MYOT: variants seen among roughly 807,000 people sequenced by gnomAD.
MYOT encodes 57 kDa cytoskeletal protein.
Under a neutral mutation model 58.0 loss-of-function variants are expected in MYOT, and 36 were observed. That is an observed-to-expected ratio of 0.62 (90% CI 0.48 to 0.82). The LOEUF is 0.82. Ranked by LOEUF, MYOT falls within the 40% of genes least tolerant of loss-of-function variation. The pLI is 0.00. For synonymous variants in MYOT, 218 were observed against 204.6 expected (o/e 1.07, Z -0.56); for missense variants, 505 against 592.1 (o/e 0.85, Z 1.53).
Position 137,886,905 on chromosome 5 carries a change from A to T in MYOT, c.1232A>T (p.Lys411Ile), listed in dbSNP as rs1188735488. 6.3e-7 allele frequency: 1 copy of T among 1,593,520 alleles called. No homozygotes were observed. Among genetic ancestry groups the T allele is most frequent in the South Asian group, 1.1e-5 (1 of 90,666 alleles). The change falls in exon 9 of 10, where the codon AAA (lysine) becomes ATA (isoleucine). Residue 411 changes from lysine to isoleucine, a missense_variant. Lys to Ile is a moderately radical substitution (Grantham distance 102). Transcript: ENST00000239926. ...DNTGRVTLLIKDVNKKDAGWY... is the reference protein window; with the variant it reads ...DNTGRVTLLIIDVNKKDAGWY... ...ACTGGAAGAGTTACTTTACTGATAA[A>T]AGATGTAAACAAGAAAGATGCTGGG... is the stretch of plus-strand genomic sequence containing the variant.
Position 137,870,802 on chromosome 5 carries a change from A to G in MYOT, c.151A>G (p.Arg51Gly), listed in dbSNP as rs2149978850. The G allele has an allele frequency of 6.2e-7, 1 of 1,614,142 alleles. No homozygotes were observed. The highest frequency in any genetic ancestry group is 2.2e-5 in the East Asian group (1 of 44,884). The change falls in exon 2 of 10, where the codon AGA becomes GGA. Residue 51 changes from arginine to glycine, a missense_variant. Coordinates refer to ENST00000239926, the MANE Select transcript of MYOT (RefSeq NM_006790.3). The stretch of plus-strand genomic sequence containing the variant: ...CCAGCCCCGCCAGTGTACAGAGCAA[A>G]GATTTTCTGCCTCCTCAACACTGAG... ...IIQPRQCTEQ[R>G]FSASSTLSSH...
At chr5:137,877,066 T>TAA (rs34554181) in intron 3 of MYOT, among the ~76,000 whole-genome samples, 3,420 of 143,344 alleles carry the variant, frequency 0.024, 117 homozygotes, top group African/African-American at 0.081. Flanking sequence ...GAAAAGACTT[T>TAA]AAAAAAAAAA....
chr5:137,870,286 A>ACACACACAC, intron 1 of MYOT, among the ~76,000 whole-genome samples, 155 bp from the exon 2 acceptor site: 1 of 72,884 alleles, frequency 1.4e-5, no homozygotes, highest in African/African-American at 5.4e-5. Flanking sequence ...GCGATTAAGC[A>ACACACACAC]AGACACACAC....
intron 1 of MYOT, among the ~76,000 whole-genome samples, chr5:137,868,375 T>C (rs1754936094): frequency 6.6e-6 from 1 of 152,200 alleles, no homozygotes; most frequent in East Asian, 1.9e-4. Context: ...TCATTTAACA[T>C]TATTTGGAAT....
chr5:137,881,375 G>A (rs1223432024), intron 5 of MYOT, among the ~76,000 whole-genome samples: 3 of 152,142 alleles, frequency 2.0e-5, no homozygotes, highest in African/African-American at 7.2e-5. Flanking sequence ...TTTCAAATTT[G>A]ATGGCTAGGC....
chr5:137,879,901 T>C (rs1201809299), intron 4 of MYOT, among the ~76,000 whole-genome samples: 2 of 152,142 alleles, frequency 1.3e-5, no homozygotes, highest in African/African-American at 4.8e-5. Context: ...GATCACTGAA[T>C]TGACCAGTTG....
chr5:137,873,467 T>C (rs1187870916), intron 2 of MYOT, among the ~76,000 whole-genome samples: 1 of 151,072 alleles, frequency 6.6e-6, no homozygotes, highest in Non-Finnish European at 1.5e-5. Context: ...CCGGGAGACA[T>C]AGAGAGAGGC....
At chr5:137,883,128 T>TA (rs1247108259) in intron 6 of MYOT, 86 of 442,244 alleles carry the variant, frequency 1.9e-4, no homozygotes, top group Non-Finnish European at 3.1e-4. Context: ...ATATAGAAAT[T>TA]AAGAGTTCAT....
At chr5:137,871,223 T>C (rs918367022) in intron 2 of MYOT, among the ~76,000 whole-genome samples, 1 of 152,210 alleles carries the variant, frequency 6.6e-6, no homozygotes, top group Admixed American at 6.5e-5. Context: ...CAAGCTGCGC[T>C]GAATCCAATT....
intron 7 of MYOT, among the ~76,000 whole-genome samples, chr5:137,885,559 G>A (rs1755568747): frequency 6.6e-6 from 1 of 151,740 alleles, no homozygotes; most frequent in Admixed American, 6.6e-5. Context: ...ATCACTTGAG[G>A]CCAGGAGTTA....
At chr5:137,877,152 A>G (rs1755252833) in intron 3 of MYOT, among the ~76,000 whole-genome samples, 1 of 151,964 alleles carries the variant, frequency 6.6e-6, no homozygotes, top group South Asian at 2.1e-4. Context: ...GTGGATCACA[A>G]GGTCAGGAGA....
intron 2 of MYOT, among the ~76,000 whole-genome samples, chr5:137,874,391 C>T (rs1755144255): frequency 1.3e-5 from 2 of 152,006 alleles, no homozygotes; most frequent in Admixed American, 6.5e-5. Context: ...CACCTGAACC[C>T]GGGAGGCAGA....
chr5:137,871,059 T>C (rs765457844), intron 2 of MYOT, 52 bp downstream of exon 2: 39 of 1,505,862 alleles, frequency 2.6e-5, no homozygotes, highest in African/African-American at 1.1e-4. Flanking sequence ...TCTGAGGAGT[T>C]TGCGAGGGGG....
chr5:137,877,838 A>C (rs1755281845), intron 4 of MYOT, among the ~76,000 whole-genome samples: 1 of 152,174 alleles, frequency 6.6e-6, no homozygotes, highest in Admixed American at 6.5e-5. Flanking sequence ...ACGTCACAAA[A>C]TCAAAACACA....
At chr5:137,877,381 A>G (rs1008211889) in intron 3 of MYOT, 139 bp from the exon 4 acceptor site, 4 of 562,282 alleles carry the variant, frequency 7.1e-6, no homozygotes, top group Non-Finnish European at 1.2e-5. Context: ...AAAAAAAAAA[A>G]AAAAAAAAAA....
chr5:137,880,900 T>G (rs1755408358), intron 5 of MYOT, 35 bp downstream of exon 5: 5 of 1,394,992 alleles, frequency 3.6e-6, no homozygotes, highest in Non-Finnish European at 5.0e-6. Flanking sequence ...ATGTATGTTT[T>G]CCTATCTAAA....
At chr5:137,882,917 T>C (rs1484158048) in intron 6 of MYOT, 1 of 165,676 alleles carries the variant, frequency 6.0e-6, no homozygotes, top group East Asian at 1.7e-4. Flanking sequence ...GTTAACAGTT[T>C]ATGTAAAAAC....
intron 7 of MYOT, among the ~76,000 whole-genome samples, chr5:137,885,620 C>G (rs985373881): frequency 5.3e-5 from 8 of 151,314 alleles, no homozygotes; most frequent in African/African-American, 1.9e-4. Context: ...AAAAAAAATA[C>G]AAAAATTAGT....
At chr5:137,885,531 G>A (rs1243550342) in intron 7 of MYOT, among the ~76,000 whole-genome samples, 2 of 151,962 alleles carry the variant, frequency 1.3e-5, no homozygotes, top group Admixed American at 1.3e-4. Flanking sequence ...CAACACTTTA[G>A]GAGGCTGAGG....
Sources: gnomAD v4.1 joint callset for allele counts (sites outside exome capture counted in the v4.1 genomes callset) on GRCh38, gnomAD v4.1.1 for gene constraint, MANE v1.5 for transcripts, NCBI Gene and HGNC (gene_info 2026-07-23, HGNC 2026-07-21) for gene names.